TASOR2: variants seen among roughly 807,000 people sequenced by gnomAD.
TASOR2 encodes protein TASOR 2.
A neutral mutation model predicts 199.5 loss-of-function variants in TASOR2; 84 were observed. The observed-to-expected ratio is 0.42, with a 90% CI of 0.35 to 0.50. TASOR2 has a LOEUF of 0.50. Among genes scored for constraint, TASOR2 ranks in the 20% least tolerant of loss-of-function variants. TASOR2 has a pLI of 0.02. For synonymous variants in TASOR2, 1,103 were observed against 1,046.6 expected, an observed-to-expected ratio of 1.05 and a Z score of -1.04; for missense variants, 2,796 against 2,835.9, an observed-to-expected ratio of 0.99 and a Z score of 0.32.
intron 1 of TASOR2, among the ~76,000 whole-genome samples, chr10:5,688,734 C>T (rs776461924): frequency 2.0e-5 from 3 of 151,834 alleles, no homozygotes; most frequent in Admixed American, 6.6e-5. Flanking sequence ...TGGTTGGGTG[C>T]GTGGGCTCAT....
chr10:5,752,552 C>T lies in TASOR2; in HGVS notation c.6606+2525C>T, dbSNP rs1458966290. ...TTCCTGCGCTAACTCCAGAATGTCACGTGGCGAGTCCATGGGGGCTGGATT... is the reference window on the plus strand; with the variant it reads ...TTCCTGCGCTAACTCCAGAATGTCATGTGGCGAGTCCATGGGGGCTGGATT... On this transcript the variant is annotated intron_variant, in intron 15 of 20. Transcript: ENST00000328090. This position sits in a 1 kb window ranked among gnomAD's most constrained non-coding sequence, Gnocchi z 4.4. 2.6e-5 allele frequency among the ~76,000 whole-genome samples: 4 copies of T among 152,196 alleles called. No individual in the cohort carries two copies. The highest frequency in any genetic ancestry group is 4.1e-4 in the South Asian group (2 of 4,836).
intron 14 of TASOR2, among the ~76,000 whole-genome samples, chr10:5,745,305 T>G (rs142745337): frequency 0.015 from 2,255 of 152,094 alleles, 31 homozygotes; most frequent in Admixed American, 0.051. Context: ...AGAAAGAATC[T>G]CCAGTTTCAT....
chr10:5,732,122 A>G (rs1018465422), intron 11 of TASOR2, among the ~76,000 whole-genome samples: 1 of 152,258 alleles, frequency 6.6e-6, no homozygotes, highest in African/African-American at 2.4e-5. Flanking sequence ...AGCAAACCAT[A>G]TGACTTTGGC....
chr10:5,727,471 C>T (rs866168536), intron 10 of TASOR2, among the ~76,000 whole-genome samples: 1 of 152,130 alleles, frequency 6.6e-6, no homozygotes, highest in Non-Finnish European at 1.5e-5. Context: ...CTTATCTGGA[C>T]CTTATCTGTT....
At chr10:5,708,459 A>AT (rs1831418059) in intron 1 of TASOR2, among the ~76,000 whole-genome samples, 1 of 152,078 alleles carries the variant, frequency 6.6e-6, no homozygotes, top group Non-Finnish European at 1.5e-5. Flanking sequence ...ACTCCTACAC[A>AT]TTTATAGTAC....
rs1444574695 is a variant in TASOR2, at chr10:5,748,077, G to T, written c.4656G>T (p.Leu1552Phe). The change falls in exon 15 of 21, where the codon TTG becomes TTT. Residue 1552 changes from leucine (L) to phenylalanine (F), a missense_variant. Coordinates refer to ENST00000328090, the Ensembl canonical transcript of TASOR2. This position sits in a 1 kb window ranked among gnomAD's most constrained non-coding sequence, Gnocchi z 5.1. ...AACTGGTAAAATCAGGAAATCCATT[G>T]CAGCCAGTTAGTATAGAGAATAGAA... 1 of 1,614,084 alleles carries T rather than the reference G, an allele frequency of 6.2e-7. No individual in the cohort carries two copies. The highest frequency in any genetic ancestry group is 1.3e-5 in the African/African-American group (1 of 74,932).
At chr10:5,744,453 C>T (rs560127475) in intron 14 of TASOR2, among the ~76,000 whole-genome samples, 1 of 152,250 alleles carries the variant, frequency 6.6e-6, no homozygotes, top group African/African-American at 2.4e-5. Context: ...TAGGCGCCTG[C>T]CACCACACCT....
At chr10:5,711,285 T>C (rs1227533408) in intron 1 of TASOR2, among the ~76,000 whole-genome samples, 2 of 152,144 alleles carry the variant, frequency 1.3e-5, no homozygotes, top group Admixed American at 6.5e-5. Context: ...GATAGTCTAG[T>C]TTTTGTATAT....
rs1309177079 is a variant in TASOR2, at chr10:5,720,385, T to C, written c.-99-159T>C. 2.0e-6 allele frequency: 2 copies of C among 985,266 alleles called. No homozygotes were observed. The highest frequency in any genetic ancestry group is 2.4e-6 in the Non-Finnish European group (2 of 829,924). The allele number at this position is 985,266 out of a possible 1,614,324, so 61.0% of individuals were successfully genotyped here. A position where few individuals can be genotyped will look rare whatever the true frequency, so the allele number is the denominator to read the frequency against. On this transcript the variant is annotated intron_variant, in intron 3 of 20. Coordinates refer to ENST00000328090, the Ensembl canonical transcript of TASOR2. The surrounding 1 kb of genome is among the most constrained non-coding windows in gnomAD (Gnocchi z 5.3). ...ACAAGACGAGTCATTTTCGTGCCTT[T>C]GAACTGAGTCAGGTATAGTTACCTG... is the stretch of plus-strand genomic sequence containing the variant.
rs184978965 is a variant in TASOR2, at chr10:5,733,375, G to A, written c.1205-1929G>A. Among the ~76,000 whole-genome samples the A allele has an allele frequency of 3.3e-3, 497 of 152,254 alleles. 1 individual carries two copies. The highest frequency in any genetic ancestry group is 5.3e-3 in the Non-Finnish European group (359 of 68,014). On this transcript the variant is annotated intron_variant, in intron 11 of 20. Coordinates refer to ENST00000328090, the Ensembl canonical transcript of TASOR2. ...ACACAAAAAATAGCCAGGTATGGGG[G>A]CACTTGCCTGTAATCCCAGCAACTT...
chr10:5,750,012 C>G lies in TASOR2; in HGVS notation c.6591C>G (p.Phe2197Leu), dbSNP rs760347421. The G allele has an allele frequency of 6.3e-7, 1 of 1,598,364 alleles. No individual in the cohort carries two copies. The highest frequency in any genetic ancestry group is 8.5e-7 in the Non-Finnish European group (1 of 1,171,940). Residue 2197 changes from phenylalanine to leucine, a missense_variant, in exon 15 of 21, where the codon TTC (phenylalanine) becomes TTG (leucine). Phe to Leu is a conservative substitution (Grantham distance 22, BLOSUM62 0). This residue lies in a region of TASOR2 where 1,941 missense variants were observed against 1,924.9 expected (regional missense o/e 1.01). Coordinates refer to ENST00000328090, the Ensembl canonical transcript of TASOR2. This position sits in a 1 kb window ranked among gnomAD's most constrained non-coding sequence, Gnocchi z 5.4. ...TTGTCGAAACAGAAGACAAATCATT[C>G]TTTGTAAGAACAAAGGTAAAGTGCC...
chr10:5,687,928 G>T lies in TASOR2; in HGVS notation c.-288+2753G>T, dbSNP rs1380990583. Among the ~76,000 whole-genome samples, 2 of 152,114 alleles carry T rather than the reference G, an allele frequency of 1.3e-5. No homozygotes were observed. Among genetic ancestry groups the T allele is most frequent in the East Asian group, 3.8e-4 (2 of 5,206 alleles). The stretch of plus-strand genomic sequence containing the variant: ...ATTTGAAATGTATGTTTATTTATTG[G>T]TACCTTTAAATATAATAACCCATTA... On this transcript the variant is annotated intron_variant, in intron 1 of 20. Coordinates refer to ENST00000328090, the Ensembl canonical transcript of TASOR2. This position sits in a 1 kb window ranked among gnomAD's most constrained non-coding sequence, Gnocchi z 4.8.
chr10:5,726,814 G>T, intron 8 of TASOR2, 71 bp from the exon 10 acceptor site: 1 of 1,353,258 alleles, frequency 7.4e-7, no homozygotes, highest in South Asian at 1.2e-5. Context: ...ATTCACTAAT[G>T]AGTATGGGTA....
intron 15 of TASOR2, among the ~76,000 whole-genome samples, chr10:5,753,216 A>C (rs1838324713): frequency 6.6e-6 from 1 of 152,236 alleles, no homozygotes; most frequent in African/African-American, 2.4e-5. Context: ...TGCTAGAGTC[A>C]CAGCTCTGTT....
At chr10:5,712,111 G>A (rs1831998479) in intron 1 of TASOR2, 1 of 202,656 alleles carries the variant, frequency 4.9e-6, no homozygotes, top group African/African-American at 2.3e-5. Flanking sequence ...ATCCACTTTT[G>A]ACCAACTACA....
At position 5,689,731 on chromosome 10, in the gene TASOR2, A is replaced by G. The variant is rs1836213615; in HGVS notation, c.-288+4556A>G. 6.6e-6 allele frequency among the ~76,000 whole-genome samples: 1 copy of G among 152,212 alleles called. No individual in the cohort carries two copies. Among genetic ancestry groups the G allele is most frequent in the Non-Finnish European group, 1.5e-5 (1 of 68,036 alleles). ...GATTTCCATTCGTGTTATTTATCTT[A>G]ATGTATAAATAATTTTTTAAATTAT... On this transcript the variant is annotated intron_variant, in intron 1 of 20. Coordinates refer to ENST00000328090, the Ensembl canonical transcript of TASOR2. The surrounding 1 kb of genome is among the most constrained non-coding windows in gnomAD (Gnocchi z 4.1).
chr10:5,746,419 G>A, exon 15 of TASOR2: 2 of 1,614,088 alleles, frequency 1.2e-6, no homozygotes, highest in East Asian at 2.2e-5. Context: ...CGGCACCCTT[G>A]AAAACAAAGT....
Position 5,748,788 on chromosome 10 carries a change from A to G in TASOR2, c.5367A>G (p.Thr1789=), listed in dbSNP as rs1401769661. ...ATACTTCTGTTTGTGGAATAGCCAC[A>G]GAGCACGTAGAAATTGAGAACAGTG... Residue 1789 remains threonine (T), a synonymous_variant, in exon 15 of 21, where the codon ACA becomes ACG. Coordinates refer to ENST00000328090, the Ensembl canonical transcript of TASOR2. The surrounding 1 kb of genome is among the most constrained non-coding windows in gnomAD (Gnocchi z 5.1). 1 of 1,614,204 alleles carries G rather than the reference A, an allele frequency of 6.2e-7. No individual in the cohort carries two copies.
exon 15 of TASOR2, chr10:5,747,279 A>G (rs1157422025): frequency 6.2e-7 from 1 of 1,614,200 alleles, no homozygotes; most frequent in South Asian, 1.1e-5. Context: ...ACTTAGCTCT[A>G]ACAATATCAC....
Sources: gnomAD v4.1 joint callset for allele counts (sites outside exome capture counted in the v4.1 genomes callset) on GRCh38, gnomAD v4.1.1 for gene constraint, gnomAD v4.1.1 regional missense constraint, Gnocchi (gnomAD v3.1) non-coding constraint, MANE v1.5 for transcripts, NCBI Gene and HGNC (gene_info 2026-07-23, HGNC 2026-07-21) for gene names.